The following HAT1 variants were observed in gnomAD, a reference collection of about 807,000 sequenced individuals.
HAT1 encodes histone acetyltransferase type B catalytic subunit.
HAT1 carries 20 observed loss-of-function variants against 56.6 expected under a neutral mutation model. That is an observed-to-expected ratio of 0.35 (90% CI 0.25 to 0.51). HAT1 has a LOEUF of 0.51. Ranked by LOEUF, HAT1 falls within the 20% of genes least tolerant of loss-of-function variation. The pLI, the probability that HAT1 is intolerant of heterozygous loss-of-function variation, is 0.95. For missense variants in HAT1, 408 were observed against 504.3 expected (o/e 0.81, Z 1.83); for synonymous variants, 146 against 165.5 (o/e 0.88, Z 0.91).
intron 2 of HAT1, among the ~76,000 whole-genome samples, chr2:171,938,024 TTCTC>T (rs374402453): frequency 0.05 from 5,194 of 104,676 alleles, 133 homozygotes; most frequent in East Asian, 0.08. Flanking sequence ...TGTCTACTGA[TTCTC>T]TCTCTCTCTC....
rs1687410735 is a variant in HAT1, at chr2:171,955,285, C to T, written c.309+2284C>T. On this transcript the variant is annotated intron_variant, in intron 4 of 10. Transcript: ENST00000264108. ...GCATGATAGAAAAAGCATAGATTAC[C>T]TTGAATGGACTGTTGGTAGAAATAT... Among the ~76,000 whole-genome samples the T allele has an allele frequency of 2.0e-5, 3 of 152,062 alleles. No homozygotes were observed. The South Asian group carries it at 6.2e-4, about 32-fold the overall frequency.
intron 3 of HAT1, among the ~76,000 whole-genome samples, chr2:171,952,399 C>T (rs1351385076): frequency 6.6e-6 from 1 of 152,168 alleles, no homozygotes; most frequent in Non-Finnish European, 1.5e-5. Context: ...GTTCATAGAG[C>T]AGTTTACATG....
chr2:171,948,407 T>C (rs1687224531), intron 3 of HAT1, among the ~76,000 whole-genome samples: 1 of 152,126 alleles, frequency 6.6e-6, no homozygotes, highest in Non-Finnish European at 1.5e-5. Context: ...GTATTTTTAG[T>C]AGAGACGGGG....
intron 2 of HAT1, among the ~76,000 whole-genome samples, chr2:171,931,673 C>CG (rs893743291): frequency 9.9e-5 from 15 of 151,714 alleles, no homozygotes; most frequent in African/African-American, 3.2e-4. Flanking sequence ...GACTGTGTCT[C>CG]GGGGGGGAAA....
chr2:171,926,866 G>C (rs1172844747), intron 2 of HAT1, among the ~76,000 whole-genome samples: 1 of 152,210 alleles, frequency 6.6e-6, no homozygotes, highest in Non-Finnish European at 1.5e-5. Flanking sequence ...TCATAGCTGC[G>C]TTATTCACAG....
chr2:171,957,980 T>G (rs1044660717), intron 4 of HAT1, among the ~76,000 whole-genome samples: 58 of 152,326 alleles, frequency 3.8e-4, no homozygotes, highest in Non-Finnish European at 2.9e-5. Context: ...CCTAAAGAAT[T>G]AACAATTAAA....
Position 171,925,586 on chromosome 2 carries a change from G to A in HAT1, c.57G>A (p.Glu19=). ...TGGTAGAATATAAGAGTGCAGTGGA[G>A]AAGAAACTGGCAGAGTACAAATGTA... ...KFLVEYKSAV[E]KKLAEYKCNT... is the part of the protein sequence containing the mutation. Residue 19 remains glutamate, a synonymous_variant, in exon 2 of 11, where the codon GAG becomes GAA. Transcript: ENST00000264108. 1 of 1,586,986 alleles carries A rather than the reference G, an allele frequency of 6.3e-7. No homozygotes were observed. The highest frequency in any genetic ancestry group is 8.7e-7 in the Non-Finnish European group (1 of 1,155,318).
intron 8 of HAT1, among the ~76,000 whole-genome samples, 166 bp downstream of exon 8, chr2:171,967,115 T>C (rs940458903): frequency 6.6e-6 from 1 of 152,186 alleles, no homozygotes; most frequent in Non-Finnish European, 1.5e-5. Flanking sequence ...TAAGCCTTTG[T>C]GGGGATTGGA....
chr2:171,966,225 T>A, intron 6 of HAT1, 184 bp from the exon 7 acceptor site: 1 of 635,348 alleles, frequency 1.6e-6, no homozygotes, highest in East Asian at 2.8e-5. Flanking sequence ...GAGGTCTGAT[T>A]TATCCAAGTT....
At chr2:171,969,366 G>C (rs1229580149) in intron 8 of HAT1, among the ~76,000 whole-genome samples, 1 of 152,052 alleles carries the variant, frequency 6.6e-6, no homozygotes, top group Non-Finnish European at 1.5e-5. Flanking sequence ...TTAGGTGATT[G>C]TGCTGTTATC....
intron 5 of HAT1, 124 bp downstream of exon 5, chr2:171,965,641 A>G: frequency 1.0e-6 from 1 of 972,318 alleles, no homozygotes; most frequent in Non-Finnish European, 1.6e-6. Context: ...ATAAACCAAG[A>G]TCTATTTTGT....
chr2:171,943,726 CATAT>C lies in HAT1; in HGVS notation c.113-2961_113-2958del, dbSNP rs141557606. On this transcript the variant is annotated intron_variant, in intron 2 of 10. Transcript: ENST00000264108. ...GTATATCTCCTAATATATGGACATT[CATAT>C]ATATATATATATATATATATGTATC... is the stretch of plus-strand genomic sequence containing the variant. Among the ~76,000 whole-genome samples, 364 of 142,816 alleles carry C rather than the reference CATAT, an allele frequency of 2.5e-3. 3 individuals are homozygous for C. The highest frequency in any genetic ancestry group is 8.0e-3 in the Admixed American group (112 of 14,052). The allele number at this position is 142,816 out of a possible 152,430, so 93.7% of individuals were successfully genotyped here. A position where few individuals can be genotyped will look rare whatever the true frequency, so the allele number is the denominator to read the frequency against.
chr2:171,971,340 G>GT (rs1330155694), intron 8 of HAT1, among the ~76,000 whole-genome samples: 5 of 152,220 alleles, frequency 3.3e-5, no homozygotes, highest in African/African-American at 1.2e-4. Context: ...CAGTTCAGTG[G>GT]TTTTTAGTAA....
At chr2:171,955,611 A>G (rs1485258864) in intron 4 of HAT1, among the ~76,000 whole-genome samples, 1 of 151,604 alleles carries the variant, frequency 6.6e-6, no homozygotes, top group Non-Finnish European at 1.5e-5. Flanking sequence ...GCAAAACTCC[A>G]TCTCAAAAAT....
intron 2 of HAT1, among the ~76,000 whole-genome samples, chr2:171,933,102 G>A (rs1200898246): frequency 6.6e-6 from 1 of 152,040 alleles, no homozygotes; most frequent in Non-Finnish European, 1.5e-5. Flanking sequence ...CTGTTGCCGA[G>A]GCTGGAGTGC....
At chr2:171,938,068 CTCTCTCTT>C (rs879851957) in intron 2 of HAT1, among the ~76,000 whole-genome samples, 51 of 130,966 alleles carry the variant, frequency 3.9e-4, no homozygotes, top group Middle Eastern at 4.1e-3. Flanking sequence ...CTCTCTCTCT[CTCTCTCTT>C]TAAATGAACT....
intron 2 of HAT1, among the ~76,000 whole-genome samples, chr2:171,926,105 C>CT (rs1260622876): frequency 6.6e-6 from 1 of 151,600 alleles, no homozygotes; most frequent in Non-Finnish European, 1.5e-5. Context: ...CCCCTCACCC[C>CT]TTTTTTTTCT....
At chr2:171,924,350 C>G (rs550955592) in intron 1 of HAT1, 6 of 152,216 alleles carry the variant, frequency 3.9e-5, no homozygotes, top group African/African-American at 1.4e-4. Context: ...TCACGCGCCA[C>G]CACGTCCAGC....
At chr2:171,961,629 G>T (rs939209869) in intron 4 of HAT1, among the ~76,000 whole-genome samples, 2 of 152,140 alleles carry the variant, frequency 1.3e-5, no homozygotes, top group African/African-American at 4.8e-5. Flanking sequence ...ATTTCAAATT[G>T]TGATGGTGTT....
Sources: allele counts gnomAD v4.1 joint callset (sites outside exome capture counted in the v4.1 genomes callset), GRCh38; gene constraint gnomAD v4.1.1; transcripts MANE v1.5; gene names NCBI Gene and HGNC (gene_info 2026-07-23, HGNC 2026-07-21).